Variants in RPS6KA3 observed in about 807,000 individuals in gnomAD.
RPS6KA3 encodes the protein ribosomal protein S6 kinase A3, also known as ribosomal protein S6 kinase alpha-3.
In RPS6KA3, 4 loss-of-function variants were observed where a neutral mutation model predicts 67.2. The ratio of observed to expected loss-of-function variants is 0.06; its 90% CI spans 0.03 to 0.14. RPS6KA3 has a LOEUF of 0.14. Ranked by LOEUF, RPS6KA3 falls within the 10% of genes least tolerant of loss-of-function variation. The pLI is 1.00. For synonymous variants in RPS6KA3, 182 were observed against 183.7 expected, an observed-to-expected ratio of 0.99 and a Z score of 0.07; for missense variants, 204 against 559.0, an observed-to-expected ratio of 0.36 and a Z score of 6.40.
chrX:20,187,686 T>C (rs2068020704), intron 9 of RPS6KA3, 142 bp downstream of exon 9: 4 of 577,172 alleles, frequency 6.9e-6, no homozygotes, highest in Admixed American at 4.8e-5. Flanking sequence ...CCTTCTATAC[T>C]GCATGCAATA....
chrX:20,184,491 G>T (rs1183150551), intron 10 of RPS6KA3, among the ~76,000 whole-genome samples: 1 of 99,819 alleles, frequency 1.0e-5, no homozygotes, highest in Non-Finnish European at 2.0e-5. Context: ...CTGCAGTCTT[G>T]ACCTCCCAGG....
chrX:20,266,891 C>A lies in RPS6KA3; in HGVS notation c.-259G>T. On this transcript the variant is annotated 5_prime_UTR_variant, in exon 1 of 22. Coordinates refer to ENST00000379565, the MANE Select transcript of RPS6KA3 (RefSeq NM_004586.3). ...GAGAGCCTCGCGCCTCCGCTGGGCA[C>A]CGGGTCTCGCCCCTTTCTTCCTCTC... The A allele has an allele frequency of 1.8e-6, 1 of 546,598 alleles. No homozygotes were observed. Among genetic ancestry groups the A allele is most frequent in the Non-Finnish European group, 2.2e-6 (1 of 448,901 alleles). 45.0% of individuals were successfully genotyped at this position (546,598 alleles called of 1,213,427 possible). A position where few individuals can be genotyped will look rare whatever the true frequency, so the allele number is the denominator to read the frequency against.
At chrX:20,215,049 G>T (rs189156287) in intron 2 of RPS6KA3, among the ~76,000 whole-genome samples, 1 of 110,011 alleles carries the variant, frequency 9.1e-6, no homozygotes, top group East Asian at 2.9e-4. Context: ...CATGTTGCCC[G>T]CCTGCCTTGG....
intron 2 of RPS6KA3, among the ~76,000 whole-genome samples, chrX:20,228,903 G>T (rs1450601396): frequency 9.0e-6 from 1 of 111,692 alleles, no homozygotes; most frequent in Non-Finnish European, 1.9e-5. Context: ...ATTTCCCAGA[G>T]AAGAAGAGGA....
intron 1 of RPS6KA3, among the ~76,000 whole-genome samples, chrX:20,252,551 C>T (rs1383661747): frequency 1.8e-5 from 2 of 110,300 alleles, no homozygotes; most frequent in East Asian, 2.8e-4. Flanking sequence ...ATGGGTGGGA[C>T]GGAAGTTCAG....
At position 20,154,778 on chromosome X, in the gene RPS6KA3, T is replaced by C. The variant is rs781485965; in HGVS notation, c.*620A>G. 2.5e-4 allele frequency: 29 copies of C among 114,510 alleles called. No homozygotes were observed. Among genetic ancestry groups the C allele is most frequent in the Non-Finnish European group, 4.6e-4 (25 of 54,443 alleles). The allele number at this position is 114,510 out of a possible 1,213,427, so 9.4% of individuals were successfully genotyped here. Reference sequence around the variant, plus strand: ...ATTACATTCAACAGCTGTTCCACAATCTGGCCATTTTTAGGACTGTCCAAC... The same window carrying C: ...ATTACATTCAACAGCTGTTCCACAACCTGGCCATTTTTAGGACTGTCCAAC... On this transcript the variant is annotated 3_prime_UTR_variant, in exon 22 of 22. Transcript: ENST00000379565.
chrX:20,262,265 A>C (rs2070252962), intron 1 of RPS6KA3, among the ~76,000 whole-genome samples: 1 of 111,885 alleles, frequency 8.9e-6, no homozygotes, highest in Non-Finnish European at 1.9e-5. Flanking sequence ...TTAGTAATAA[A>C]AATTTTTAAA....
chrX:20,179,738 G>C (rs1193039633), intron 10 of RPS6KA3, among the ~76,000 whole-genome samples: 2 of 111,484 alleles, frequency 1.8e-5, no homozygotes, highest in Non-Finnish European at 3.8e-5. Flanking sequence ...CATAGTTGAT[G>C]AGGGAAAGTT....
intron 4 of RPS6KA3, among the ~76,000 whole-genome samples, chrX:20,202,941 T>C (rs1376741314): frequency 9.0e-6 from 1 of 111,026 alleles, no homozygotes; most frequent in Non-Finnish European, 1.9e-5. Flanking sequence ...TGCCATGGGG[T>C]AGGACTGAAT....
At chrX:20,251,995 A>T (rs914422608) in intron 1 of RPS6KA3, among the ~76,000 whole-genome samples, 7 of 111,769 alleles carry the variant, frequency 6.3e-5, no homozygotes, top group Non-Finnish European at 1.3e-4. Flanking sequence ...CAGGCTCTTG[A>T]GGCTCTGTTC....
intron 1 of RPS6KA3, chrX:20,240,665 T>A: frequency 6.1e-6 from 1 of 163,945 alleles, no homozygotes; most frequent in Middle Eastern, 3.3e-3. Context: ...ATCATACTCA[T>A]TATACTGAAA....
intron 2 of RPS6KA3, among the ~76,000 whole-genome samples, chrX:20,227,570 G>C (rs938931294): frequency 9.0e-6 from 1 of 111,009 alleles, no homozygotes; most frequent in Non-Finnish European, 1.9e-5. Flanking sequence ...CTAGTGTTTT[G>C]ATATTTCAGA....
chrX:20,207,013 T>G (rs967598340), intron 3 of RPS6KA3, among the ~76,000 whole-genome samples: 2 of 111,877 alleles, frequency 1.8e-5, no homozygotes, highest in African/African-American at 6.5e-5. Flanking sequence ...GAATTCATCT[T>G]TATCGTAAAA....
At chrX:20,212,823 G>A (rs2068752379) in intron 2 of RPS6KA3, among the ~76,000 whole-genome samples, 1 of 111,694 alleles carries the variant, frequency 9.0e-6, no homozygotes, top group Non-Finnish European at 1.9e-5. Flanking sequence ...ATCAAGCACA[G>A]TGTTGAGAAC....
intron 7 of RPS6KA3, among the ~76,000 whole-genome samples, chrX:20,189,537 G>A (rs1021767630): frequency 8.9e-6 from 1 of 112,194 alleles, no homozygotes; most frequent in African/African-American, 3.2e-5. Context: ...AGATACTTGA[G>A]TGGAGAGTAA....
chrX:20,218,594 C>A (rs1424297496), intron 2 of RPS6KA3, among the ~76,000 whole-genome samples: 1 of 111,615 alleles, frequency 9.0e-6, no homozygotes, highest in Non-Finnish European at 1.9e-5. Context: ...AGTCAGTTGA[C>A]AAAATATACA....
rs1328806834 is a variant in RPS6KA3 at position 20,215,582 on chromosome X, C to CA, written c.127-6179dup. 8.9e-5 allele frequency among the ~76,000 whole-genome samples: 10 copies of CA among 111,764 alleles called. No individual in the cohort carries two copies. In the East Asian group the frequency reaches 2.5e-3, roughly 28 times the overall value. On this transcript the variant is annotated intron_variant, in intron 2 of 21. Transcript: ENST00000379565. ...TGGAAAATTACAGTAGTATAATAGG[C>CA]AAAATATCCTGGGTTGAGATCTCAA...
At chrX:20,158,631 GC>G (rs780293898) in intron 20 of RPS6KA3, among the ~76,000 whole-genome samples, 1 of 111,740 alleles carries the variant, frequency 8.9e-6, no homozygotes, top group Non-Finnish European at 1.9e-5. Flanking sequence ...AGGCAAAAGT[GC>G]TTAAAATTGC....
chrX:20,168,057 T>C (rs1348271264), intron 16 of RPS6KA3, among the ~76,000 whole-genome samples: 2 of 112,000 alleles, frequency 1.8e-5, no homozygotes, highest in East Asian at 5.6e-4. Context: ...TGTGTCTCCA[T>C]GAGCAGGGAT....
Sources: allele counts gnomAD v4.1 joint callset (sites outside exome capture counted in the v4.1 genomes callset), GRCh38; gene constraint gnomAD v4.1.1; transcripts MANE v1.5; gene names NCBI Gene and HGNC (gene_info 2026-07-23, HGNC 2026-07-21).